Variants in FBXL2 observed in about 807,000 individuals in gnomAD.
FBXL2 encodes F-box/LRR-repeat protein 2.
A neutral mutation model predicts 69.2 loss-of-function variants in FBXL2; 38 were observed. The observed-to-expected ratio is 0.55, with a 90% confidence interval of 0.42 to 0.72. The LOEUF is 0.72. Ranked by LOEUF, FBXL2 falls within the 30% of genes least tolerant of loss-of-function variation. The pLI is 0.00. For synonymous variants in FBXL2, 192 were observed against 201.3 expected, an observed-to-expected ratio of 0.95 and a Z score of 0.39; for missense variants, 354 against 520.3, an observed-to-expected ratio of 0.68 and a Z score of 3.11.
chr3:33,375,124 T>TA (rs1200447738), intron 9 of FBXL2, among the ~76,000 whole-genome samples, 164 bp from the exon 10 acceptor site: 1 of 152,244 alleles, frequency 6.6e-6, no homozygotes, highest in Non-Finnish European at 1.5e-5. Context: ...TGTGCAGAGA[T>TA]AACACAAGTA....
intron 2 of FBXL2, among the ~76,000 whole-genome samples, chr3:33,314,913 G>T (rs1200081478): frequency 6.6e-6 from 1 of 152,148 alleles, no homozygotes; most frequent in East Asian, 1.9e-4. Flanking sequence ...TGTCTGCCAA[G>T]TACCCTTGTC....
At chr3:33,306,988 G>A (rs12330707) in intron 2 of FBXL2, among the ~76,000 whole-genome samples, 61,809 of 151,816 alleles carry the variant, frequency 0.41, 13,891 homozygotes, top group East Asian at 0.6. Context: ...AAAGGTGGGG[G>A]AAATGCTTGA....
chr3:33,397,936 GAAC>G (rs1349571801), intron 12 of FBXL2: 1 of 152,116 alleles, frequency 6.6e-6, no homozygotes, highest in African/African-American at 2.4e-5. Flanking sequence ...TACACACCAT[GAAC>G]TACTATTCAG....
chr3:33,344,047 A>G (rs2040261824), intron 2 of FBXL2, among the ~76,000 whole-genome samples: 1 of 152,012 alleles, frequency 6.6e-6, no homozygotes, highest in Non-Finnish European at 1.5e-5. Context: ...ATATACAATT[A>G]ATATCTAACA....
chr3:33,287,858 T>C lies in FBXL2; in HGVS notation c.4-9806T>C, dbSNP rs760797665. Among the ~76,000 whole-genome samples, 63 of 152,232 alleles carry C rather than the reference T, an allele frequency of 4.1e-4. 1 individual carries two copies. The highest frequency in any genetic ancestry group is 1.9e-4 in the East Asian group (1 of 5,190). On this transcript the variant is annotated intron_variant, in intron 1 of 14. Transcript: ENST00000484457. ...ATTACACCAAGATTAAGAGTCTTAA[T>C]GTCTTAGCTGAGTCAGCAGTCTCTT...
intron 1 of FBXL2, among the ~76,000 whole-genome samples, chr3:33,290,216 C>T (rs2035081858): frequency 6.6e-6 from 1 of 152,088 alleles, no homozygotes; most frequent in Non-Finnish European, 1.5e-5. Flanking sequence ...CTGATTTCAC[C>T]CTGAAATTAT....
downstream of FBXL2, among the ~76,000 whole-genome samples, chr3:33,407,917 G>A (rs763140591): frequency 1.1e-4 from 17 of 152,182 alleles, no homozygotes; most frequent in Non-Finnish European, 1.9e-4. Context: ...CAGGATCATC[G>A]TTTGTGGACT....
At chr3:33,376,324 A>G (rs1435634124) in intron 10 of FBXL2, among the ~76,000 whole-genome samples, 1 of 152,180 alleles carries the variant, frequency 6.6e-6, no homozygotes, top group East Asian at 1.9e-4. Context: ...CTTTTTAAAA[A>G]TCTCTACTTC....
At chr3:33,353,577 A>G (rs1216234806) in intron 2 of FBXL2, among the ~76,000 whole-genome samples, 3 of 152,206 alleles carry the variant, frequency 2.0e-5, no homozygotes, top group Admixed American at 6.5e-5. Flanking sequence ...GGAAAACACA[A>G]AACTATAGCG....
At chr3:33,377,077 G>A (rs1186897804) in intron 10 of FBXL2, among the ~76,000 whole-genome samples, 196 bp from the exon 11 acceptor site, 1 of 152,160 alleles carries the variant, frequency 6.6e-6, no homozygotes, top group Admixed American at 6.5e-5. Context: ...TGGTAAAGCA[G>A]GAAGATTCTT....
At chr3:33,298,054 A>G (rs761729209) in intron 2 of FBXL2, 78 of 303,064 alleles carry the variant, frequency 2.6e-4, no homozygotes, top group Non-Finnish European at 4.7e-4. Flanking sequence ...ACATTATTGC[A>G]AGGTTGTGAG....
At chr3:33,395,228 T>C (rs1370452503) in intron 12 of FBXL2, among the ~76,000 whole-genome samples, 1 of 152,196 alleles carries the variant, frequency 6.6e-6, no homozygotes, top group Non-Finnish European at 1.5e-5. Flanking sequence ...GTAGTGATGC[T>C]ATCCTTCCAA....
chr3:33,358,675 A>G (rs2041392423), intron 2 of FBXL2, among the ~76,000 whole-genome samples: 1 of 152,232 alleles, frequency 6.6e-6, no homozygotes, highest in African/African-American at 2.4e-5. Flanking sequence ...GTTGGTCTTC[A>G]AATAGAACCA....
chr3:33,369,580 A>G (rs2042161146), intron 5 of FBXL2, among the ~76,000 whole-genome samples: 1 of 151,986 alleles, frequency 6.6e-6, no homozygotes, highest in South Asian at 2.1e-4. Context: ...TTTAACAGCC[A>G]ATTATTTTTA....
At chr3:33,330,909 AC>A in intron 2 of FBXL2, among the ~76,000 whole-genome samples, 1 of 148,206 alleles carries the variant, frequency 6.7e-6, no homozygotes, top group Non-Finnish European at 1.5e-5. Context: ...ACACACACAC[AC>A]ACAAACACAC....
chr3:33,288,477 G>A (rs1328062042), intron 1 of FBXL2, among the ~76,000 whole-genome samples: 4 of 152,178 alleles, frequency 2.6e-5, no homozygotes, highest in African/African-American at 9.7e-5. Context: ...CTAGGGTAGG[G>A]TTAGAGAGTG....
chr3:33,343,030 G>A (rs945105550), intron 2 of FBXL2, among the ~76,000 whole-genome samples: 1 of 150,940 alleles, frequency 6.6e-6, no homozygotes, highest in Non-Finnish European at 1.5e-5. Flanking sequence ...GTGAGCCACC[G>A]TGCCCGGCCA....
At chr3:33,390,519 A>G, downstream of FBXL2, 1 of 786,412 alleles carries the variant, frequency 1.3e-6, no homozygotes, top group Admixed American at 2.7e-5. Context: ...AACTTGCTCT[A>G]GCTCCTCTTC....
At chr3:33,317,344 C>T in intron 2 of FBXL2, 1 of 397,760 alleles carries the variant, frequency 2.5e-6, no homozygotes, top group Non-Finnish European at 5.1e-6. Flanking sequence ...AAACCCAAAT[C>T]CCATTCATTC....
Sources: allele counts gnomAD v4.1 joint callset (sites outside exome capture counted in the v4.1 genomes callset), GRCh38; gene constraint gnomAD v4.1.1; transcripts MANE v1.5; gene names NCBI Gene and HGNC (gene_info 2026-07-23, HGNC 2026-07-21).